SLC9A7: variants seen among roughly 807,000 people sequenced by gnomAD.
SLC9A7 encodes sodium/hydrogen exchanger 7.
Under a neutral mutation model 52.6 loss-of-function variants are expected in SLC9A7, and 19 were observed. That is an observed-to-expected ratio of 0.36 (90% CI 0.25 to 0.53). The LOEUF (loss-of-function observed/expected upper bound fraction) is 0.53. Ranked by LOEUF, SLC9A7 falls within the 20% of genes least tolerant of loss-of-function variation. The probability of loss-of-function intolerance (pLI) is 0.91; values close to 1 mark genes in which losing one functional copy is unlikely to be tolerated. For synonymous variants in SLC9A7, 226 were observed against 252.1 expected (o/e 0.90, Z 0.98); for missense variants, 455 against 597.9 (o/e 0.76, Z 2.49).
chrX:46,664,757 C>G (rs769312769), intron 5 of SLC9A7, among the ~76,000 whole-genome samples: 29 of 109,928 alleles, frequency 2.6e-4, no homozygotes, highest in Non-Finnish European at 5.1e-4. Context: ...ATTTTTATTT[C>G]TATATATTTT....
chrX:46,615,587 C>G (rs1488163584), intron 15 of SLC9A7, among the ~76,000 whole-genome samples: 1 of 109,495 alleles, frequency 9.1e-6, no homozygotes, highest in African/African-American at 3.3e-5. Context: ...ACAAGCTCCC[C>G]CTTCCTCCTC....
chrX:46,613,238 C>T, intron 16 of SLC9A7, 51 bp downstream of exon 16: 1 of 920,646 alleles, frequency 1.1e-6, no homozygotes, highest in South Asian at 2.6e-5. Flanking sequence ...CTACGTAAGA[C>T]ACTACCCTGG....
intron 16 of SLC9A7, 55 bp downstream of exon 16, chrX:46,613,233 TA>T: frequency 1.1e-6 from 1 of 900,242 alleles, no homozygotes; most frequent in Non-Finnish European, 1.5e-6. Context: ...TCTTCCTACG[TA>T]AGACACTACC....
At chrX:46,650,297 T>C (rs1943560291) in intron 10 of SLC9A7, among the ~76,000 whole-genome samples, 1 of 111,685 alleles carries the variant, frequency 9.0e-6, no homozygotes, top group Admixed American at 9.5e-5. Flanking sequence ...AAAGTTCACT[T>C]TAATAAAAAC....
At chrX:46,724,320 A>G (rs1301603357) in intron 1 of SLC9A7, among the ~76,000 whole-genome samples, 1 of 111,716 alleles carries the variant, frequency 9.0e-6, no homozygotes, top group Non-Finnish European at 1.9e-5. Flanking sequence ...TGAATAGACT[A>G]CTCAGTAGTT....
chrX:46,679,989 CATA>C (rs768165773), intron 2 of SLC9A7, among the ~76,000 whole-genome samples: 1 of 111,963 alleles, frequency 8.9e-6, no homozygotes, highest in Non-Finnish European at 1.9e-5. Context: ...TGTTTTAAAA[CATA>C]ATAAGACACA....
intron 1 of SLC9A7, among the ~76,000 whole-genome samples, chrX:46,735,576 T>C (rs1945108682): frequency 8.9e-6 from 1 of 112,599 alleles, no homozygotes; most frequent in Non-Finnish European, 1.9e-5. Context: ...TCTGACATTC[T>C]TTGATTCTTT....
intron 1 of SLC9A7, among the ~76,000 whole-genome samples, chrX:46,701,518 C>T (rs1025762872): frequency 1.2e-4 from 13 of 111,423 alleles, no homozygotes; most frequent in Non-Finnish European, 2.3e-4. Flanking sequence ...ACCCAGCAGG[C>T]GGAGGTTGCA....
chrX:46,607,230 C>T, intron 16 of SLC9A7, 27 bp from the exon 17 acceptor site: 1 of 1,195,964 alleles, frequency 8.4e-7, no homozygotes, highest in Non-Finnish European at 1.1e-6. Flanking sequence ...ACAACAACAA[C>T]AAAAATGAGA....
chrX:46,655,777 C>T (rs762299710), intron 7 of SLC9A7, among the ~76,000 whole-genome samples: 75 of 112,614 alleles, frequency 6.7e-4, no homozygotes, highest in Admixed American at 1.8e-3. Flanking sequence ...AACTGCAAGG[C>T]GGCAGCGAGG....
At chrX:46,661,971 C>G (rs771436558) in intron 7 of SLC9A7, 45 bp downstream of exon 7, 16 of 1,104,395 alleles carry the variant, frequency 1.4e-5, no homozygotes, top group Non-Finnish European at 1.9e-5. Flanking sequence ...AGTGTAATGC[C>G]ACACACGCAT....
intron 1 of SLC9A7, among the ~76,000 whole-genome samples, chrX:46,686,668 G>C (rs948105073): frequency 1.8e-5 from 2 of 111,507 alleles, no homozygotes; most frequent in African/African-American, 6.5e-5. Context: ...GAGAGCAACA[G>C]AAGCACTAAT....
At chrX:46,635,725 C>T (rs1027373397) in intron 12 of SLC9A7, 77 bp from the exon 13 acceptor site, 8 of 687,854 alleles carry the variant, frequency 1.2e-5, no homozygotes, top group Admixed American at 7.6e-5. Flanking sequence ...ATGATCTGGA[C>T]CATGTCCACC....
chrX:46,625,146 T>A (rs929630435), intron 14 of SLC9A7, among the ~76,000 whole-genome samples: 3 of 112,327 alleles, frequency 2.7e-5, no homozygotes, highest in African/African-American at 9.7e-5. Flanking sequence ...AATGAATGCA[T>A]AATGATATCT....
chrX:46,631,612 T>C lies in SLC9A7; in HGVS notation c.1714A>G (p.Asn572Asp), dbSNP rs1291194498. 8.3e-7 allele frequency: 1 copy of C among 1,208,396 alleles called. No homozygotes were observed. The highest frequency in any genetic ancestry group is 1.8e-5 in the African/African-American group (1 of 57,118). The change falls in exon 14 of 17, where the codon AAC becomes GAC. Residue 572 changes from asparagine to aspartate, a missense_variant. Physicochemically the swap from Asn to Asp is conservative, Grantham distance 23. Around this residue, in one of 3 missense-constraint regions of SLC9A7, gnomAD observed 146 missense variants for 160.5 expected, o/e 0.91. Coordinates refer to ENST00000616978, the MANE Select transcript of SLC9A7 (RefSeq NM_001257291.2). ...VDPDQDPPPN[N>D]DSFQVLQGDG... ...CCTTGTAAGACTTGAAAGCTGTCGT[T>C]GTTGGGTGGTGGGTCTTGATCGGGG...
intron 1 of SLC9A7, chrX:46,725,771 G>T: frequency 1.1e-6 from 1 of 920,935 alleles, no homozygotes; most frequent in Non-Finnish European, 1.6e-6. Flanking sequence ...AGTCAGTCAG[G>T]CTGGGCAGTG....
Position 46,621,078 on chromosome X carries a change from G to A in SLC9A7, c.1741-19C>T. ...GGCCGTCCTAGGAACAAACAAGAGG[G>A]CACATGCTTAGTTGTACAAAAGGGA... On this transcript the variant is annotated intron_variant, in intron 14 of 16. Transcript: ENST00000616978. 1 of 1,107,317 alleles carries A rather than the reference G, an allele frequency of 9.0e-7. No individual in the cohort carries two copies. The highest frequency in any genetic ancestry group is 1.2e-6 in the Non-Finnish European group (1 of 804,763). The allele number at this position is 1,107,317 out of a possible 1,213,427, so 91.3% of individuals were successfully genotyped here.
At position 46,605,002 on chromosome X, in the gene SLC9A7, A is replaced by T. The variant is rs1228390173; in HGVS notation, c.*1950T>A. 1 of 110,710 alleles carries T rather than the reference A, an allele frequency of 9.0e-6. No homozygotes were observed. Among genetic ancestry groups the T allele is most frequent in the Non-Finnish European group, 1.9e-5 (1 of 52,980 alleles). 9.1% of individuals were successfully genotyped at this position (110,710 alleles called of 1,213,427 possible). On this transcript the variant is annotated 3_prime_UTR_variant, in exon 17 of 17. Transcript: ENST00000616978. ...TCTTCCATCATAAGAAAAACTGGCC[A>T]GTATGGTGAAACCCCGTCTCTACTA...
intron 5 of SLC9A7, among the ~76,000 whole-genome samples, chrX:46,665,426 AAAAC>A (rs1234462642): frequency 9.1e-6 from 1 of 110,112 alleles, no homozygotes; most frequent in Non-Finnish European, 1.9e-5. Context: ...TGACATGTAC[AAAAC>A]AGACCTAACT....
Sources: gnomAD v4.1 joint callset for allele counts (sites outside exome capture counted in the v4.1 genomes callset) on GRCh38, gnomAD v4.1.1 for gene constraint, gnomAD v4.1.1 regional missense constraint, MANE v1.5 for transcripts, NCBI Gene and HGNC (gene_info 2026-07-23, HGNC 2026-07-21) for gene names.